Variants in LSS observed in about 807,000 individuals in gnomAD.
LSS encodes lanosterol synthase.
LSS carries 90 observed loss-of-function variants against 110.3 expected under a neutral mutation model. That is an observed-to-expected ratio of 0.82 (90% CI 0.69 to 0.97). LSS has a LOEUF of 0.97. Ranked by LOEUF, LSS falls within the 50% of genes least tolerant of loss-of-function variation. The pLI, the probability that LSS is intolerant of heterozygous loss-of-function variation, is 0.00. For synonymous variants in LSS, 433 were observed against 400.0 expected (o/e 1.08, Z -0.98); for missense variants, 927 against 990.0 (o/e 0.94, Z 0.85).
In LSS at chr21:46,190,919, C is replaced by G; in HGVS notation, c.*185G>C. On this transcript the variant is annotated 3_prime_UTR_variant, in exon 22 of 22. Transcript: ENST00000397728. This position sits in a 1 kb window ranked among gnomAD's most constrained non-coding sequence, Gnocchi z 4.6. ...TCAGAAATGAACCTACAGTAAAAAT[C>G]AAGAGTCTAAGCCACCCACCCTGTC... is the stretch of plus-strand genomic sequence containing the variant. 1 of 621,796 alleles carries G rather than the reference C, an allele frequency of 1.6e-6. No homozygotes were observed. 38.5% of individuals were successfully genotyped at this position (621,796 alleles called of 1,614,324 possible). A position where few individuals can be genotyped will look rare whatever the true frequency, so the allele number is the denominator to read the frequency against.
At chr21:46,200,166 G>A (rs1003845778) in intron 17 of LSS, among the ~76,000 whole-genome samples, 3 of 152,126 alleles carry the variant, frequency 2.0e-5, no homozygotes, top group African/African-American at 7.2e-5. Flanking sequence ...AAAATCAATT[G>A]CGTAAGAATC....
At chr21:46,211,364 T>C (rs993910265) in intron 11 of LSS, among the ~76,000 whole-genome samples, 4 of 152,112 alleles carry the variant, frequency 2.6e-5, no homozygotes, top group African/African-American at 7.2e-5. Flanking sequence ...CTCCTGACCT[T>C]GTGATCCGCC....
chr21:46,211,534 C>A (rs967701598), intron 11 of LSS, among the ~76,000 whole-genome samples: 1 of 152,186 alleles, frequency 6.6e-6, no homozygotes, highest in African/African-American at 2.4e-5. Context: ...AGGTACACAG[C>A]CTGGTCTCAG....
chr21:46,206,590 G>A lies in LSS; in HGVS notation c.1564+82C>T, dbSNP rs1331082372. 6 of 1,219,092 alleles carry A rather than the reference G, an allele frequency of 4.9e-6. No individual in the cohort carries two copies. The African/African-American group carries it at 5.9e-5, about 12-fold the overall frequency. 75.5% of individuals were successfully genotyped at this position (1,219,092 alleles called of 1,614,324 possible). A position where few individuals can be genotyped will look rare whatever the true frequency, so the allele number is the denominator to read the frequency against. On this transcript the variant is annotated intron_variant, in intron 16 of 21. Transcript: ENST00000397728. ...GGGCCCTTGCAGCCTCGGGCAAGGG[G>A]GAAAAGCTGGCCCCCAGGTTTGTGT...
At chr21:46,218,727 C>CTTT (rs550015362) in intron 6 of LSS, among the ~76,000 whole-genome samples, 4 of 137,080 alleles carry the variant, frequency 2.9e-5, no homozygotes, top group Admixed American at 7.3e-5. Context: ...AAACACTGAT[C>CTTT]TTTTTTTTTT....
chr21:46,225,627 C>A (rs747943366), intron 3 of LSS, among the ~76,000 whole-genome samples: 18 of 152,206 alleles, frequency 1.2e-4, no homozygotes, highest in Non-Finnish European at 2.2e-4. Context: ...GTACACCTGG[C>A]TCTGCCTTTT....
intron 5 of LSS, among the ~76,000 whole-genome samples, chr21:46,219,810 C>T (rs1415838357): frequency 6.6e-6 from 1 of 152,188 alleles, no homozygotes; most frequent in Non-Finnish European, 1.5e-5. Flanking sequence ...TGTGTGTGTC[C>T]AGCCCCAGGA....
chr21:46,219,024 C>T (rs1229070268), intron 6 of LSS, among the ~76,000 whole-genome samples: 1 of 152,186 alleles, frequency 6.6e-6, no homozygotes, highest in East Asian at 1.9e-4. Context: ...CCCACCTGGC[C>T]ACAGACACTG....
chr21:46,205,093 C>T (rs1007469755), intron 17 of LSS, among the ~76,000 whole-genome samples: 7 of 152,176 alleles, frequency 4.6e-5, no homozygotes, highest in Admixed American at 2.0e-4. Flanking sequence ...CTCCTAGGTA[C>T]GTGACCATGA....
At chr21:46,218,187 T>C (rs2080231413) in intron 6 of LSS, among the ~76,000 whole-genome samples, 2 of 145,698 alleles carry the variant, frequency 1.4e-5, no homozygotes, top group Admixed American at 1.5e-4. Flanking sequence ...CCCACCAGGG[T>C]TCCCACAACA....
chr21:46,227,925 C>A (rs2080370203), intron 2 of LSS, among the ~76,000 whole-genome samples: 1 of 152,234 alleles, frequency 6.6e-6, no homozygotes, highest in Admixed American at 6.5e-5. Context: ...TTCTTCACAA[C>A]TTCTCCAAGA....
intron 17 of LSS, among the ~76,000 whole-genome samples, chr21:46,199,966 C>A (rs2079958951): frequency 6.6e-6 from 1 of 152,164 alleles, no homozygotes. Context: ...ATGAATGTTG[C>A]AAACGCACCA....
In LSS at chr21:46,188,583, C is replaced by CAG; in HGVS notation, c.*2520_*2521insCT. 2.1e-6 allele frequency: 1 copy of CAG among 468,100 alleles called. No individual in the cohort carries two copies. Among genetic ancestry groups the CAG allele is most frequent in the Non-Finnish European group, 4.4e-6 (1 of 226,258 alleles). The allele number at this position is 468,100 out of a possible 1,614,324, so 29.0% of individuals were successfully genotyped here. Reference sequence around the variant, plus strand: ...GGGTGATGAGTCATCTGGGACAGGTCACCCTCCCAGCACCGAGAAGCCGAC... The same window carrying CAG: ...GGGTGATGAGTCATCTGGGACAGGTCAGACCCTCCCAGCACCGAGAAGCCGAC... On this transcript the variant is annotated 3_prime_UTR_variant, in exon 22 of 22. Coordinates refer to ENST00000397728, the MANE Select transcript of LSS (RefSeq NM_002340.6).
chr21:46,225,684 G>A (rs1452912452), intron 3 of LSS, among the ~76,000 whole-genome samples: 2 of 152,156 alleles, frequency 1.3e-5, no homozygotes, highest in Non-Finnish European at 2.9e-5. Context: ...TCTCTGATAT[G>A]CAGAAATAAT....
chr21:46,218,876 G>A (rs931396516), intron 6 of LSS, among the ~76,000 whole-genome samples: 6 of 151,840 alleles, frequency 4.0e-5, no homozygotes, highest in Admixed American at 6.6e-5. Flanking sequence ...AGAGGCACGC[G>A]CCGCCACGCC....
At chr21:46,197,329 T>C (rs1276583991) in intron 17 of LSS, among the ~76,000 whole-genome samples, 2 of 151,960 alleles carry the variant, frequency 1.3e-5, no homozygotes, top group African/African-American at 2.4e-5. Context: ...AATCAAGAAA[T>C]AGAGAACCTA....
chr21:46,222,309 C>A, intron 4 of LSS: 1 of 529,096 alleles, frequency 1.9e-6, no homozygotes, highest in Non-Finnish European at 3.4e-6. Context: ...AGCTGTCAGG[C>A]CTTGTCTCCA....
At chr21:46,223,882 A>T (rs879766439) in intron 3 of LSS, among the ~76,000 whole-genome samples, 2 of 152,184 alleles carry the variant, frequency 1.3e-5, no homozygotes, top group Non-Finnish European at 2.9e-5. Flanking sequence ...AGCGGTAGCG[A>T]AAAGTGTCAA....
chr21:46,200,643 A>G (rs1433937929), intron 17 of LSS, among the ~76,000 whole-genome samples: 1 of 152,214 alleles, frequency 6.6e-6, no homozygotes, highest in Non-Finnish European at 1.5e-5. Context: ...AAACACAAGG[A>G]AAGATTAAGG....
Sources: allele counts gnomAD v4.1 joint callset (sites outside exome capture counted in the v4.1 genomes callset), GRCh38; gene constraint gnomAD v4.1.1; non-coding constraint Gnocchi (gnomAD v3.1); transcripts MANE v1.5; gene names NCBI Gene and HGNC (gene_info 2026-07-23, HGNC 2026-07-21).